The following MAP2K5 variants were observed in gnomAD, a reference collection of about 807,000 sequenced individuals.
MAP2K5 encodes the protein mitogen-activated protein kinase kinase 5.
A neutral mutation model predicts 83.1 loss-of-function variants in MAP2K5; 49 were observed. The ratio of observed to expected loss-of-function variants is 0.59; its 90% CI spans 0.47 to 0.75. The LOEUF (loss-of-function observed/expected upper bound fraction) is 0.75, where lower values mean the gene tolerates loss of function less well. Among genes scored for constraint, MAP2K5 ranks in the 30% least tolerant of loss-of-function variants. The probability of loss-of-function intolerance (pLI) is 0.00; values close to 1 mark genes in which losing one functional copy is unlikely to be tolerated. For missense variants in MAP2K5, 457 were observed against 557.5 expected (o/e 0.82, Z 1.82); for synonymous variants, 202 against 191.8 (o/e 1.05, Z -0.44).
In MAP2K5 at chr15:67,693,552, C is replaced by T; in HGVS notation, c.956C>T (p.Thr319Ile). The change falls in exon 15 of 22, where the codon ACA (threonine) becomes ATA (isoleucine). Residue 319 changes from threonine to isoleucine, a missense_variant. Physicochemically the swap from Thr to Ile is moderately conservative, Grantham distance 89. Transcript: ENST00000178640. ...VNSIAKTYVGTNAYMAPERIS... is the reference protein window; with the variant it reads ...VNSIAKTYVGINAYMAPERIS... ...TCTATAGCCAAGACGTATGTTGGAA[C>T]AAATGCTTATATGGCGGTAAGTAAA... 6.2e-7 allele frequency: 1 copy of T among 1,611,702 alleles called. No homozygotes were observed. Among genetic ancestry groups the T allele is most frequent in the Non-Finnish European group, 8.5e-7 (1 of 1,178,438 alleles).
In MAP2K5 at chr15:67,772,694, C is replaced by T; in HGVS notation, c.1197-13C>T. On this transcript the variant is annotated splice_polypyrimidine_tract_variant and intron_variant, in intron 20 of 21. Transcript: ENST00000178640. ...CACAGATAACATAAGGGGTTTTTTT[C>T]TCTCCACTATAGTATGCGAAAACAG... 6.5e-7 allele frequency: 1 copy of T among 1,539,486 alleles called. No homozygotes were observed. Among genetic ancestry groups the T allele is most frequent in the Admixed American group, 2.1e-5 (1 of 48,344 alleles).
In MAP2K5 at chr15:67,573,691, A is replaced by G. The variant is rs151175877; in HGVS notation, c.253-7063A>G. On this transcript the variant is annotated intron_variant, in intron 3 of 21. Coordinates refer to ENST00000178640, the MANE Select transcript of MAP2K5 (RefSeq NM_145160.3). This position sits in a 1 kb window ranked among gnomAD's most constrained non-coding sequence, Gnocchi z 4.2. ...TGTTTAGAGTTAAGGGAACAGGTTA[A>G]TAGCATTTACCAAACAGATTCAGGA... is the stretch of plus-strand genomic sequence containing the variant. Among the ~76,000 whole-genome samples the G allele has an allele frequency of 4.8e-3, 732 of 152,330 alleles. 1 individual carries two copies. The highest frequency in any genetic ancestry group is 7.3e-3 in the Non-Finnish European group (494 of 68,024).
intron 16 of MAP2K5, among the ~76,000 whole-genome samples, chr15:67,716,849 TATTC>T (rs900339706): frequency 2.0e-5 from 3 of 152,220 alleles, no homozygotes; most frequent in Non-Finnish European, 4.4e-5. Flanking sequence ...AGCTATTTGG[TATTC>T]ATTATCTCTT....
chr15:67,553,800 C>G, intron 2 of MAP2K5, among the ~76,000 whole-genome samples: 1 of 150,258 alleles, frequency 6.7e-6, no homozygotes, highest in Non-Finnish European at 1.5e-5. Context: ...GTAGTCCCAG[C>G]TACTCGGGAG....
chr15:67,622,638 T>G (rs2141069504), intron 8 of MAP2K5, among the ~76,000 whole-genome samples: 1 of 152,194 alleles, frequency 6.6e-6, no homozygotes, highest in African/African-American at 2.4e-5. Context: ...CCAGGACATG[T>G]GCTAAGCATA....
intron 6 of MAP2K5, among the ~76,000 whole-genome samples, chr15:67,588,489 C>T (rs538733180): frequency 1.6e-4 from 25 of 152,324 alleles, no homozygotes; most frequent in African/African-American, 5.8e-4. Flanking sequence ...ATTATAATCA[C>T]CCCTGTCCTC....
At position 67,782,285 on chromosome 15, in the gene MAP2K5, C is replaced by A. The variant is rs77106422; in HGVS notation, c.1242+9533C>A. ...GAAATGAGTGTTAAGTATTAGTAAT[C>A]GGGAGATTAGGGCCCCAGGGACAAT... On this transcript the variant is annotated intron_variant, in intron 21 of 21. Transcript: ENST00000178640. The surrounding 1 kb of genome is among the most constrained non-coding windows in gnomAD (Gnocchi z 4.9). Among the ~76,000 whole-genome samples the A allele has an allele frequency of 2.0e-5, 3 of 152,182 alleles. No homozygotes were observed. Among genetic ancestry groups the A allele is most frequent in the Non-Finnish European group, 4.4e-5 (3 of 68,038 alleles).
At chr15:67,546,578 C>G (rs893185396) in intron 1 of MAP2K5, 47 of 985,302 alleles carry the variant, frequency 4.8e-5, no homozygotes, top group Admixed American at 1.2e-4. Context: ...CTGACCTGAC[C>G]CTCAAAGGTA....
At chr15:67,547,310 T>A (rs2084411971) in intron 1 of MAP2K5, among the ~76,000 whole-genome samples, 1 of 152,220 alleles carries the variant, frequency 6.6e-6, no homozygotes. Context: ...AGCCTACAGC[T>A]TTGTGATCTT....
intron 4 of MAP2K5, among the ~76,000 whole-genome samples, chr15:67,581,606 T>G (rs1414260884): frequency 6.6e-6 from 1 of 152,204 alleles, no homozygotes; most frequent in Non-Finnish European, 1.5e-5. Context: ...TAGAAATAAC[T>G]TAATTGAAAT....
intron 8 of MAP2K5, 121 bp from the exon 9 acceptor site, chr15:67,630,767 T>G: frequency 1.5e-6 from 1 of 689,128 alleles, no homozygotes; most frequent in East Asian, 2.7e-5. Context: ...GTTGTTAGTG[T>G]TCTTTGAAAG....
At chr15:67,678,022 T>G (rs1345843235) in intron 13 of MAP2K5, among the ~76,000 whole-genome samples, 1 of 152,228 alleles carries the variant, frequency 6.6e-6, no homozygotes, top group African/African-American at 2.4e-5. Context: ...GATGGAGTCA[T>G]TAGAATAACT....
In MAP2K5 at chr15:67,636,216, T is replaced by A. The variant is rs2086599862; in HGVS notation, c.585+5289T>A. Among the ~76,000 whole-genome samples, 1 of 152,042 alleles carries A rather than the reference T, an allele frequency of 6.6e-6. No individual in the cohort carries two copies. The highest frequency in any genetic ancestry group is 1.5e-5 in the Non-Finnish European group (1 of 68,010). On this transcript the variant is annotated intron_variant, in intron 9 of 21. Transcript: ENST00000178640. The surrounding 1 kb of genome is among the most constrained non-coding windows in gnomAD (Gnocchi z 4.7). ...TCATGAGGTCAGGAGATCGAGACCA[T>A]CCTAACACGGTGAAACCCCATTTCT...
intron 16 of MAP2K5, among the ~76,000 whole-genome samples, chr15:67,707,064 T>A (rs1171092188): frequency 1.3e-5 from 2 of 152,156 alleles, no homozygotes; most frequent in Non-Finnish European, 2.9e-5. Flanking sequence ...TACAAGCGCG[T>A]GCCACCATGC....
At position 67,748,965 on chromosome 15, in the gene MAP2K5, A is replaced by G. The variant is rs2089664366; in HGVS notation, c.1134+364A>G. Among the ~76,000 whole-genome samples the G allele has an allele frequency of 6.6e-6, 1 of 152,230 alleles. No individual in the cohort carries two copies. On this transcript the variant is annotated intron_variant, in intron 19 of 21. Coordinates refer to ENST00000178640, the MANE Select transcript of MAP2K5 (RefSeq NM_145160.3). The surrounding 1 kb of genome is among the most constrained non-coding windows in gnomAD (Gnocchi z 4.0). ...TAAAGTCATTCAGTAGGCAAGGGTC[A>G]GAGTTGAAGAGCAAGCATAAGCTGG...
chr15:67,636,141 C>T lies in MAP2K5; in HGVS notation c.585+5214C>T, dbSNP rs904161624. 6.6e-6 allele frequency among the ~76,000 whole-genome samples: 1 copy of T among 152,034 alleles called. No homozygotes were observed. The highest frequency in any genetic ancestry group is 2.4e-5 in the African/African-American group (1 of 41,412). ...TTGAAAGTATGAAATGACCGGGCGC[C>T]GTGGCTCATGCCTGTAATCCCAGCA... On this transcript the variant is annotated intron_variant, in intron 9 of 21. Transcript: ENST00000178640. The surrounding 1 kb of genome is among the most constrained non-coding windows in gnomAD (Gnocchi z 4.7).
Position 67,720,165 on chromosome 15 carries a change from T to C in MAP2K5, c.1045-7751T>C, listed in dbSNP as rs1426845550. Among the ~76,000 whole-genome samples the C allele has an allele frequency of 6.6e-6, 1 of 152,142 alleles. No homozygotes were observed. Among genetic ancestry groups the C allele is most frequent in the African/African-American group, 2.4e-5 (1 of 41,434 alleles). On this transcript the variant is annotated intron_variant, in intron 16 of 21. Transcript: ENST00000178640. The surrounding 1 kb of genome is among the most constrained non-coding windows in gnomAD (Gnocchi z 5.7). ...AATTGTATATTCCATTTAAACACAG[T>C]ATCTAACCAAAAAGTTACTCAGCTA...
At chr15:67,621,790 C>CA (rs932356661) in intron 8 of MAP2K5, among the ~76,000 whole-genome samples, 4 of 151,576 alleles carry the variant, frequency 2.6e-5, no homozygotes, top group South Asian at 2.1e-4. Flanking sequence ...TAGCAGTGAA[C>CA]AAAAAAAACG....
intron 3 of MAP2K5, among the ~76,000 whole-genome samples, chr15:67,578,747 C>T (rs72749331): frequency 0.12 from 18,375 of 151,970 alleles, 1,218 homozygotes; most frequent in East Asian, 0.2. Context: ...GAAAGGAAAA[C>T]CATTTTTATT....
Sources: gnomAD v4.1 joint callset for allele counts (sites outside exome capture counted in the v4.1 genomes callset) on GRCh38, gnomAD v4.1.1 for gene constraint, Gnocchi (gnomAD v3.1) non-coding constraint, MANE v1.5 for transcripts, NCBI Gene and HGNC (gene_info 2026-07-23, HGNC 2026-07-21) for gene names.